Variants in NRG1 observed in about 807,000 individuals in gnomAD.
NRG1 encodes pro-neuregulin-1, membrane-bound isoform.
Under a neutral mutation model 63.8 loss-of-function variants are expected in NRG1, and 18 were observed. The ratio of observed to expected loss-of-function variants is 0.28; its 90% CI spans 0.19 to 0.42. The LOEUF (loss-of-function observed/expected upper bound fraction) is 0.42. NRG1 is among the 10% of genes least tolerant of loss of function. The pLI is 1.00. For synonymous variants in NRG1, 302 were observed against 301.3 expected (o/e 1.00, Z -0.02); for missense variants, 762 against 814.7 (o/e 0.94, Z 0.79).
At chr8:31,854,867 G>A (rs1358030054) in intron 1 of NRG1, among the ~76,000 whole-genome samples, 1 of 152,094 alleles carries the variant, frequency 6.6e-6, no homozygotes, top group African/African-American at 2.4e-5. Context: ...GTTTCGTTAT[G>A]TACCCAGTAG....
intron 1 of NRG1, chr8:32,287,500 C>T (rs1853670762): frequency 6.6e-6 from 1 of 152,226 alleles, no homozygotes; most frequent in South Asian, 2.1e-4. Flanking sequence ...AAAACTCAGT[C>T]ATCTTTCATG....
intron 1 of NRG1, among the ~76,000 whole-genome samples, chr8:31,708,248 T>A (rs897868168): frequency 6.6e-6 from 1 of 152,182 alleles, no homozygotes; most frequent in African/African-American, 2.4e-5. Context: ...TTCCACATCC[T>A]TTCTTTTCCC....
At chr8:31,840,555 C>T (rs1425577188) in intron 1 of NRG1, among the ~76,000 whole-genome samples, 1 of 152,024 alleles carries the variant, frequency 6.6e-6, no homozygotes, top group African/African-American at 2.4e-5. Context: ...TTACTCTTAC[C>T]TCGCACTAGT....
intron 1 of NRG1, among the ~76,000 whole-genome samples, chr8:32,146,876 G>A (rs892248924): frequency 6.6e-6 from 1 of 151,980 alleles, no homozygotes; most frequent in Non-Finnish European, 1.5e-5. Flanking sequence ...TCTCCAAAAA[G>A]CTGCCTAAGG....
intron 1 of NRG1, among the ~76,000 whole-genome samples, chr8:32,279,341 A>G (rs1023808288): frequency 6.6e-6 from 1 of 152,112 alleles, no homozygotes; most frequent in African/African-American, 2.4e-5. Context: ...CTGAGGCTCA[A>G]AAAGTTGTTT....
Position 32,198,628 on chromosome 8 carries a change from A to G in NRG1, c.38-397200A>G, listed in dbSNP as rs577806027. 1.9e-4 allele frequency among the ~76,000 whole-genome samples: 29 copies of G among 152,318 alleles called. No homozygotes were observed. In the South Asian group the frequency reaches 5.6e-3, roughly 29 times the overall value. ...GTTGAAAGAAAGGATAGGAGGAACC[A>G]TTTACTGTGCACCTACTTTCTTCCT... On this transcript the variant is annotated intron_variant, in intron 1 of 10. Transcript: ENST00000519301.
At chr8:32,482,843 T>C (rs1168943551) in intron 1 of NRG1, among the ~76,000 whole-genome samples, 1 of 152,172 alleles carries the variant, frequency 6.6e-6, no homozygotes, top group Admixed American at 6.5e-5. Flanking sequence ...TGGGCTGAAC[T>C]GAAGGTCCAG....
intron 1 of NRG1, among the ~76,000 whole-genome samples, chr8:32,363,078 G>A (rs914725471): frequency 6.6e-6 from 1 of 152,166 alleles, no homozygotes; most frequent in Admixed American, 6.5e-5. Flanking sequence ...TTGGTCATTT[G>A]TATCCCTCTT....
intron 1 of NRG1, among the ~76,000 whole-genome samples, chr8:31,959,062 T>C (rs1388537783): frequency 1.3e-5 from 2 of 152,206 alleles, no homozygotes; most frequent in Non-Finnish European, 2.9e-5. Flanking sequence ...GATAGCATTA[T>C]GATGAGGAAA....
chr8:32,293,190 C>T (rs1003207972), intron 1 of NRG1, among the ~76,000 whole-genome samples: 5 of 152,096 alleles, frequency 3.3e-5, no homozygotes, highest in Admixed American at 1.3e-4. Flanking sequence ...GTGATTGTTC[C>T]GTTATATGAT....
chr8:31,902,108 C>T (rs1005723329), intron 1 of NRG1, among the ~76,000 whole-genome samples: 3 of 152,058 alleles, frequency 2.0e-5, no homozygotes, highest in African/African-American at 7.2e-5. Flanking sequence ...GATGGTGAGA[C>T]TTAACTACCC....
chr8:31,917,711 A>C (rs929565408), intron 1 of NRG1, among the ~76,000 whole-genome samples: 26 of 152,048 alleles, frequency 1.7e-4, no homozygotes, highest in Non-Finnish European at 4.4e-5. Context: ...TTCCATATGA[A>C]CTTTAAAGTA....
chr8:31,885,579 C>T (rs547390976), intron 1 of NRG1, among the ~76,000 whole-genome samples: 4 of 152,060 alleles, frequency 2.6e-5, no homozygotes, highest in Non-Finnish European at 2.9e-5. Flanking sequence ...TTCTGCTTCC[C>T]GCAGTGGCAC....
At chr8:31,819,727 T>G (rs1823820709) in intron 1 of NRG1, among the ~76,000 whole-genome samples, 1 of 152,200 alleles carries the variant, frequency 6.6e-6, no homozygotes, top group African/African-American at 2.4e-5. Context: ...AATGATACAT[T>G]AAGTGACCTG....
At chr8:31,972,800 C>T (rs1807522844) in intron 1 of NRG1, among the ~76,000 whole-genome samples, 1 of 152,212 alleles carries the variant, frequency 6.6e-6, no homozygotes, top group Admixed American at 6.5e-5. Flanking sequence ...TGTGATTCTA[C>T]AGGCCCTGCA....
chr8:32,075,181 C>T (rs1341452584), intron 1 of NRG1, among the ~76,000 whole-genome samples: 4 of 152,166 alleles, frequency 2.6e-5, no homozygotes, highest in Admixed American at 6.5e-5. Flanking sequence ...TAGAGATATT[C>T]CATAAAGACA....
At chr8:31,929,405 TA>T (rs1834681732) in intron 1 of NRG1, among the ~76,000 whole-genome samples, 1 of 152,092 alleles carries the variant, frequency 6.6e-6, no homozygotes, top group Non-Finnish European at 1.5e-5. Context: ...GATTTTTGAA[TA>T]GTGCTTTAAC....
At chr8:32,192,857 C>T (rs1796478787) in intron 1 of NRG1, among the ~76,000 whole-genome samples, 1 of 152,152 alleles carries the variant, frequency 6.6e-6, no homozygotes, top group African/African-American at 2.4e-5. Flanking sequence ...AACTCACACA[C>T]AAACACACAC....
At chr8:32,118,197 G>C (rs1156996403) in intron 1 of NRG1, among the ~76,000 whole-genome samples, 1 of 152,084 alleles carries the variant, frequency 6.6e-6, no homozygotes, top group Non-Finnish European at 1.5e-5. Context: ...GGCTTAATGG[G>C]AGGTGTTTGG....
Sources: allele counts gnomAD v4.1 joint callset (sites outside exome capture counted in the v4.1 genomes callset), GRCh38; gene constraint gnomAD v4.1.1; transcripts MANE v1.5; gene names NCBI Gene and HGNC (gene_info 2026-07-23, HGNC 2026-07-21).